NOP2: variants seen among roughly 807,000 people sequenced by gnomAD.
NOP2 encodes NOP2 nucleolar protein.
Under a neutral mutation model 72.7 loss-of-function variants are expected in NOP2, and 7 were observed. The observed-to-expected ratio is 0.10, with a 90% CI of 0.05 to 0.18. The LOEUF (loss-of-function observed/expected upper bound fraction) is 0.18. NOP2 is among the 10% of genes least tolerant of loss of function. NOP2 has a pLI of 1.00. For synonymous variants in NOP2, 387 were observed against 388.0 expected, an observed-to-expected ratio of 1.00 and a Z score of 0.03; for missense variants, 954 against 1,014.7, an observed-to-expected ratio of 0.94 and a Z score of 0.81.
rs1177871939 is a variant in NOP2 at position 6,561,776 on chromosome 12, G to C, written c.1095C>G (p.His365Gln). Residue 365 changes from histidine to glutamine, a missense_variant, in exon 11 of 16, where the codon CAC (histidine) becomes CAG (glutamine). Transcript: ENST00000322166. ...TGCTGGAGGCTCCCTGCAGCATGTA[G>C]TGCCCAGCCAGGTACTCGGGGGTAG... ...IGATPEYLAG[H>Q]YMLQGASSML... 1.2e-6 allele frequency: 2 copies of C among 1,611,022 alleles called. No homozygotes were observed. The highest frequency in any genetic ancestry group is 2.7e-5 in the African/African-American group (2 of 74,866).
Position 6,557,254 on chromosome 12 carries a change from TTGTG to T in NOP2, c.2174_2177del (p.Thr725LysfsTer15). On this transcript the variant is annotated frameshift_variant, in exon 16 of 16. Transcript: ENST00000322166. LOFTEE classifies it low-confidence loss of function (END_TRUNC). Reference sequence around the variant, plus strand: ...TGGATGGGGATAACACAGCCGGTGTTTGTGTGTCTGTGCCCTTGGGAGGGGCATT... The same window carrying T: ...TGGATGGGGATAACACAGCCGGTGTTTGTCTGTGCCCTTGGGAGGGGCATT... 6.2e-7 allele frequency: 1 copy of T among 1,613,952 alleles called. No homozygotes were observed. Among genetic ancestry groups the T allele is most frequent in the Non-Finnish European group, 8.5e-7 (1 of 1,179,870 alleles).
chr12:6,565,992 T>C lies in NOP2; in HGVS notation c.474+109A>G, dbSNP rs1947769705. ...AACAGTGATGGAGCACAAAAACCCC[T>C]TTCCTCTAGTCAGGCTTATCCTTGC... On this transcript the variant is annotated intron_variant, in intron 5 of 15. Coordinates refer to ENST00000322166, the MANE Select transcript of NOP2 (RefSeq NM_001258308.2). 6.8e-6 allele frequency: 6 copies of C among 887,872 alleles called. No individual in the cohort carries two copies. In the Admixed American group the frequency reaches 1.1e-4, roughly 16 times the overall value. The allele number at this position is 887,872 out of a possible 1,614,324, so 55.0% of individuals were successfully genotyped here.
In NOP2 at chr12:6,563,160, A is replaced by T; in HGVS notation, c.899T>A (p.Phe300Tyr). 1 of 1,592,848 alleles carries T rather than the reference A, an allele frequency of 6.3e-7. No individual in the cohort carries two copies. Among genetic ancestry groups the T allele is most frequent in the South Asian group, 1.1e-5 (1 of 87,568 alleles). ...CCGAGGCACCTCATTAGCTTCTAAG[A>T]ACTCCACCAGCTGCGGGGCAAGACA... The part of the protein sequence containing the change: ...DLFPLSELVE[F>Y]LEANEVPRPV... The change falls in exon 9 of 16, where the codon TTC (phenylalanine) becomes TAC (tyrosine). Residue 300 changes from phenylalanine (F) to tyrosine (Y), a missense_variant. By Grantham distance (22) the Phe-to-Tyr change is conservative (BLOSUM62 3). Coordinates refer to ENST00000322166, the MANE Select transcript of NOP2 (RefSeq NM_001258308.2).
At chr12:6,562,973 G>T in intron 9 of NOP2, 108 bp downstream of exon 9, 2 of 1,103,030 alleles carry the variant, frequency 1.8e-6, no homozygotes, top group Non-Finnish European at 2.7e-6. Flanking sequence ...CCAGGATCAT[G>T]CTTAGGTCCT....
intron 15 of NOP2, 140 bp from the exon 16 acceptor site, chr12:6,557,782 C>G (rs1947533463): frequency 1.1e-6 from 1 of 888,602 alleles, no homozygotes. Context: ...AGCAGATTAC[C>G]TAAATTCCCA....
rs755086370 is a variant in NOP2 at position 6,567,817 on chromosome 12, T to C, written c.102A>G (p.Ala34=). Residue 34 remains alanine (A), a splice_region_variant and synonymous_variant, in exon 2 of 16, where the codon GCA becomes GCG. Transcript: ENST00000322166. The stretch of plus-strand genomic sequence containing the variant: ...CAGGAGGCCACAACTAATCCTTACC[T>C]GCAGGCAAGAATCTGACGAGTTCTG... ...AETELVRFLP[A]VSDENSKRLS... 5 of 1,613,466 alleles carry C rather than the reference T, an allele frequency of 3.1e-6. No individual in the cohort carries two copies. Among genetic ancestry groups the C allele is most frequent in the Admixed American group, 1.7e-5 (1 of 59,996 alleles).
intron 2 of NOP2, among the ~76,000 whole-genome samples, chr12:6,567,034 C>T (rs977780884): frequency 3.3e-5 from 5 of 151,194 alleles, no homozygotes; most frequent in Admixed American, 1.3e-4. Flanking sequence ...AGTGCAATGG[C>T]GTGATCTCAA....
Position 6,556,948 on chromosome 12 carries a change from A to T in NOP2, c.*45T>A, listed in dbSNP as rs1416613475. 2.5e-6 allele frequency: 4 copies of T among 1,608,558 alleles called. No homozygotes were observed. Among genetic ancestry groups the T allele is most frequent in the Non-Finnish European group, 3.4e-6 (4 of 1,177,504 alleles). On this transcript the variant is annotated 3_prime_UTR_variant, in exon 16 of 16. Transcript: ENST00000322166. Reference sequence around the variant, plus strand: ...CATCCTCACAGAGGCAAGAGTTCCAACCTGGTGACAATGGCAGTGAGCCAC... The same window carrying T: ...CATCCTCACAGAGGCAAGAGTTCCATCCTGGTGACAATGGCAGTGAGCCAC...
At chr12:6,566,496 C>A in intron 4 of NOP2, 33 bp downstream of exon 4, 1 of 1,601,100 alleles carries the variant, frequency 6.2e-7, no homozygotes, top group Non-Finnish European at 8.6e-7. Flanking sequence ...AAAGGGACTC[C>A]TCATGTAGCA....
intron 11 of NOP2, 35 bp downstream of exon 11, chr12:6,561,629 G>C: frequency 1.2e-6 from 2 of 1,606,844 alleles, no homozygotes; most frequent in Non-Finnish European, 1.7e-6. Context: ...AAGCAAGACA[G>C]CCCGATGAAT....
At chr12:6,565,804 A>G (rs1009803282) in intron 5 of NOP2, among the ~76,000 whole-genome samples, 1 of 152,202 alleles carries the variant, frequency 6.6e-6, no homozygotes, top group African/African-American at 2.4e-5. Context: ...AAGTTCTGAG[A>G]TAACTGCTTT....
chr12:6,564,183 G>C (rs1352366610), intron 5 of NOP2: 1 of 1,272,716 alleles, frequency 7.9e-7, no homozygotes, highest in Non-Finnish European at 1.1e-6. Flanking sequence ...AGCTGAGGCA[G>C]GAGAATTGCT....
Position 6,558,534 on chromosome 12 carries a change from G to A in NOP2, c.1790-892C>T, listed in dbSNP as rs149314760. Among the ~76,000 whole-genome samples, 496 of 152,138 alleles carry A rather than the reference G, an allele frequency of 3.3e-3. 5 individuals are homozygous for A. The highest frequency in any genetic ancestry group is 0.026 in the South Asian group (124 of 4,810). On this transcript the variant is annotated intron_variant, in intron 15 of 15. Transcript: ENST00000322166. The stretch of plus-strand genomic sequence containing the variant: ...CCTGCCTCAGCCACCCAAAGTGCTG[G>A]GGTTACAGGCGCGAGCCACCACGCC...
Position 6,566,728 on chromosome 12 carries a change from G to A in NOP2, c.149+49C>T, listed in dbSNP as rs377089208. 4 of 1,596,496 alleles carry A rather than the reference G, an allele frequency of 2.5e-6. No individual in the cohort carries two copies. In the African/African-American group the frequency reaches 5.4e-5, roughly 21 times the overall value. On this transcript the variant is annotated intron_variant, in intron 3 of 15. Coordinates refer to ENST00000322166, the MANE Select transcript of NOP2 (RefSeq NM_001258308.2). ...GTCTAGAATTAACTCTGTGGTCAAA[G>A]ATGAGCAGTACCAATTTAACCTACT...
In NOP2 at chr12:6,560,110, G is replaced by A. The variant is rs1264880030; in HGVS notation, c.1777C>T (p.Gln593Ter). The change falls in exon 15 of 16, where the codon CAG (glutamine) becomes TAG (stop). Residue 593 changes from glutamine (Q) to a stop codon, truncating the protein, a stop_gained. Transcript: ENST00000322166. LOFTEE classifies it low-confidence loss of function (END_TRUNC). This position sits in a 1 kb window ranked among gnomAD's most constrained non-coding sequence, Gnocchi z 5.0. ...AAAGATTACTTACCTGTCTGGGACT[G>A]AGGGATAGAATTGGAAAATTTCTTG... ...KFKKFSNSIP[Q>*]SQTGNSETAT... 1 of 1,612,528 alleles carries A rather than the reference G, an allele frequency of 6.2e-7. No homozygotes were observed. Among genetic ancestry groups the A allele is most frequent in the Admixed American group, 1.7e-5 (1 of 60,024 alleles).
rs754972586 is a variant in NOP2 at position 6,563,032 on chromosome 12, G to A, written c.978+49C>T. ...CACAGAGGAATCTCTGGAGTTGGCA[G>A]AAGTCACTTCCCTTCTGAGATGAGT... On this transcript the variant is annotated intron_variant, in intron 9 of 15. Coordinates refer to ENST00000322166, the MANE Select transcript of NOP2 (RefSeq NM_001258308.2). 2.1e-5 allele frequency: 32 copies of A among 1,521,628 alleles called. No individual in the cohort carries two copies. In the African/African-American group the frequency reaches 4.1e-4, roughly 20 times the overall value. The allele number at this position is 1,521,628 out of a possible 1,614,324, so 94.3% of individuals were successfully genotyped here. A position where few individuals can be genotyped will look rare whatever the true frequency, so the allele number is the denominator to read the frequency against.
intron 11 of NOP2, among the ~76,000 whole-genome samples, 174 bp downstream of exon 11, chr12:6,561,490 G>A (rs185004738): frequency 6.6e-6 from 1 of 152,324 alleles, no homozygotes; most frequent in East Asian, 1.9e-4. Flanking sequence ...AGTCAGATGG[G>A]TAGTAAGTGG....
intron 5 of NOP2, among the ~76,000 whole-genome samples, chr12:6,564,654 C>A (rs929845857): frequency 6.6e-6 from 1 of 151,810 alleles, no homozygotes; most frequent in Non-Finnish European, 1.5e-5. Context: ...GTTTTGAACT[C>A]CTGACCTCAG....
chr12:6,561,800 A>G lies in NOP2; in HGVS notation c.1071T>C (p.Ala357=). 2 of 1,609,816 alleles carry G rather than the reference A, an allele frequency of 1.2e-6. No homozygotes were observed. The highest frequency in any genetic ancestry group is 1.7e-6 in the Non-Finnish European group (2 of 1,178,042). Reference sequence around the variant, plus strand: ...AGTGCCCAGCCAGGTACTCGGGGGTAGCACCTGTGGAGAAGGACCACCCTG... The same window carrying G: ...AGTGCCCAGCCAGGTACTCGGGGGTGGCACCTGTGGAGAAGGACCACCCTG... ...VVYDSSVPIG[A]TPEYLAGHYM... is the part of the protein sequence containing the mutation. Residue 357 remains alanine, a synonymous_variant, in exon 11 of 16, where the codon GCT becomes GCC. Transcript: ENST00000322166.
Sources: gnomAD v4.1 joint callset for allele counts (sites outside exome capture counted in the v4.1 genomes callset) on GRCh38, gnomAD v4.1.1 for gene constraint, Gnocchi (gnomAD v3.1) non-coding constraint, MANE v1.5 for transcripts, NCBI Gene and HGNC (gene_info 2026-07-23, HGNC 2026-07-21) for gene names.